ATM: variants seen among roughly 807,000 people sequenced by gnomAD.
ATM encodes the protein ATM serine/threonine kinase, also known as serine-protein kinase ATM.
ATM carries 308 observed loss-of-function variants against 387.0 expected under a neutral mutation model. The observed-to-expected ratio is 0.80, with a 90% CI of 0.73 to 0.87. The LOEUF is 0.87. ATM is among the 40% of genes least tolerant of loss of function. The probability of loss-of-function intolerance (pLI) is 0.00; values close to 1 mark genes in which losing one functional copy is unlikely to be tolerated. For missense variants in ATM, 3,312 were observed against 3,560.9 expected (o/e 0.93, Z 1.78); for synonymous variants, 1,156 against 1,187.3 (o/e 0.97, Z 0.54).
intron 36 of ATM, 117 bp from the exon 37 acceptor site, chr11:108,304,558 A>C (rs2083580695): frequency 8.6e-6 from 9 of 1,051,070 alleles, no homozygotes. Flanking sequence ...ATGGCAGATT[A>C]ATCTATCATC....
chr11:108,317,618 TATATATA>T (rs2084820682), intron 43 of ATM, 97 bp downstream of exon 43: 5 of 26,756 alleles, frequency 1.9e-4, no homozygotes, highest in South Asian at 1.5e-3. Flanking sequence ...AGTTGTTTTA[TATATATA>T]TATATATATA....
In ATM at chr11:108,329,061, A is replaced by G; in HGVS notation, c.7130A>G (p.Asp2377Gly). The G allele has an allele frequency of 6.2e-7, 1 of 1,614,136 alleles. No homozygotes were observed. The highest frequency in any genetic ancestry group is 1.1e-5 in the South Asian group (1 of 91,076). ...VAGNYDGESS[D>G]ELRNGKMKAF... ...GGAAATTATGATGGAGAAAGTAGTG[A>G]TGAGCTAAGAAATGGAAAAATGAAG... Residue 2377 changes from aspartate to glycine, a missense_variant, in exon 49 of 63, where the codon GAT becomes GGT. Coordinates refer to ENST00000675843, the MANE Select transcript of ATM (RefSeq NM_000051.4).
Position 108,250,694 on chromosome 11 carries a change from T to G in ATM, c.1236-7T>G, listed in dbSNP as rs2080086515. 6.2e-7 allele frequency: 1 copy of G among 1,600,516 alleles called. No individual in the cohort carries two copies. On this transcript the variant is annotated splice_region_variant and splice_polypyrimidine_tract_variant and intron_variant, in intron 9 of 62. Coordinates refer to ENST00000675843, the MANE Select transcript of ATM (RefSeq NM_000051.4). ...GTTTTCAAATTATCCTTTTTTTTTT[T>G]TTTTAGGCTACAGATTGCAACCCAA...
Position 108,325,532 on chromosome 11 carries a change from C to T in ATM, c.6795C>T (p.Phe2265=), listed in dbSNP as rs3218699. The T allele has an allele frequency of 5.1e-4, 821 of 1,601,862 alleles. 1 individual carries two copies. The highest frequency in any genetic ancestry group is 6.4e-4 in the Non-Finnish European group (749 of 1,170,890). Residue 2265 remains phenylalanine, a synonymous_variant, in exon 46 of 63, where the codon TTC becomes TTT. Coordinates refer to ENST00000675843, the MANE Select transcript of ATM (RefSeq NM_000051.4). ...LVELSILART[F]KNTQLPERAI... Reference sequence around the variant, plus strand: ...AACTCTCTATACTGGCCAGAACTTTCAAGAACACTCAGGTAAATACAATTT... The same window carrying T: ...AACTCTCTATACTGGCCAGAACTTTTAAGAACACTCAGGTAAATACAATTT...
chr11:108,233,833 C>T (rs751285015), intron 4 of ATM, among the ~76,000 whole-genome samples: 24 of 151,268 alleles, frequency 1.6e-4, no homozygotes, highest in Non-Finnish European at 3.2e-4. Flanking sequence ...GGTGACAGAG[C>T]GAGATATTCT....
rs577380549 is a variant in ATM at position 108,298,247 on chromosome 11, T to C, written c.5005+865T>C. ...TGGTTTTTGTTTCTAATTAGAAAAA[T>C]AGGAATAAGTAGTGTTTCACAGATT... On this transcript the variant is annotated intron_variant, in intron 33 of 62. Transcript: ENST00000675843. 6.6e-5 allele frequency among the ~76,000 whole-genome samples: 10 copies of C among 152,300 alleles called. 1 individual carries two copies. The highest frequency in any genetic ancestry group is 1.7e-4 in the African/African-American group (7 of 41,572).
At chr11:108,255,492 C>T (rs1161345531) in intron 13 of ATM, among the ~76,000 whole-genome samples, 1 of 140,066 alleles carries the variant, frequency 7.1e-6, no homozygotes, top group Non-Finnish European at 1.5e-5. Flanking sequence ...GTGGCCTGAT[C>T]TCGGCTCATT....
rs1405303247 is a variant in ATM at position 108,327,647 on chromosome 11, CA to C, written c.6980del (p.Asn2327IlefsTer4). 1 of 1,613,008 alleles carries C rather than the reference CA, an allele frequency of 6.2e-7. No homozygotes were observed. The highest frequency in any genetic ancestry group is 1.7e-5 in the Admixed American group (1 of 59,978). On this transcript the variant is annotated frameshift_variant, in exon 48 of 63. Coordinates refer to ENST00000675843, the MANE Select transcript of ATM (RefSeq NM_000051.4). LOFTEE classifies it high-confidence loss of function. Reference protein sequence around the residue: ...KKLDASCAANNPSLKLTYTEC... With the variant: ...KKLDASCAANXPSLKLTYTEC... The stretch of plus-strand genomic sequence containing the variant: ...AAGATTTTGCCTTTCTTATACAGAA[CA>C]ATCCCAGCCTAAAACTTACATACAC...
At chr11:108,305,840 G>A (rs1264026040) in intron 37 of ATM, among the ~76,000 whole-genome samples, 1 of 152,012 alleles carries the variant, frequency 6.6e-6, no homozygotes, top group East Asian at 1.9e-4. Context: ...TTTTATAAAA[G>A]GATACAAAAT....
chr11:108,289,631 A>G lies in ATM; in HGVS notation c.4266A>G (p.Ile1422Met), dbSNP rs768794637. 3.1e-6 allele frequency: 5 copies of G among 1,610,176 alleles called. 1 individual carries two copies. The South Asian group carries it at 3.3e-5, about 11-fold the overall frequency. Residue 1422 changes from isoleucine to methionine, a missense_variant, in exon 29 of 63, where the codon ATA (isoleucine) becomes ATG (methionine). Around this residue, in one of 4 missense-constraint regions of ATM, gnomAD observed 1,791 missense variants for 1,804.5 expected, o/e 0.99. Transcript: ENST00000675843. ...CCTATCAGAAAATTCTTCTTGCCAT[A>G]TGTGAGCAAGCAGCTGAAACAAATA... ...PDSYQKILLA[I>M]CEQAAETNNV...
chr11:108,272,715 C>A lies in ATM; in HGVS notation c.3154-7C>A, dbSNP rs756615573. 6.2e-7 allele frequency: 1 copy of A among 1,613,818 alleles called. No homozygotes were observed. ...TTTCATATTTAACCACAGTTCTTTT[C>A]CCGTAGGCTGATCCTTATTCAAAAT... On this transcript the variant is annotated splice_region_variant and splice_polypyrimidine_tract_variant and intron_variant, in intron 21 of 62. Coordinates refer to ENST00000675843, the MANE Select transcript of ATM (RefSeq NM_000051.4).
rs766951228 is a variant in ATM at position 108,229,315 on chromosome 11, C to G, written c.323C>G (p.Ala108Gly). 9 of 1,609,752 alleles carry G rather than the reference C, an allele frequency of 5.6e-6. No homozygotes were observed. The East Asian group carries it at 2.0e-4, about 36-fold the overall frequency. ...TTGGTCAAATACTTCATCAAATGTGCAAACAGAAGTAAGTGATGTTATAAA... is the reference window on the plus strand; with the variant it reads ...TTGGTCAAATACTTCATCAAATGTGGAAACAGAAGTAAGTGATGTTATAAA... ...SSLVKYFIKC[A>G]NRRAPRLKCQ... The change falls in exon 4 of 63, where the codon GCA (alanine) becomes GGA (glycine). Residue 108 changes from alanine (A) to glycine (G), a missense_variant. By Grantham distance (60) the Ala-to-Gly change is moderately conservative. Around this residue, in one of 4 missense-constraint regions of ATM, gnomAD observed 1,791 missense variants for 1,804.5 expected, o/e 0.99. Transcript: ENST00000675843.
intron 16 of ATM, among the ~76,000 whole-genome samples, chr11:108,266,497 AG>A (rs1364623269): frequency 1.2e-5 from 1 of 83,032 alleles, no homozygotes; most frequent in Non-Finnish European, 2.2e-5. Flanking sequence ...GGGTGGGGGG[AG>A]GGGGGAGGGA....
At chr11:108,235,636 TTA>T in intron 4 of ATM, 32 bp from the exon 5 acceptor site, 1 of 1,550,530 alleles carries the variant, frequency 6.4e-7, no homozygotes, top group Non-Finnish European at 8.9e-7. Context: ...TTGTTCAAAT[TTA>T]TGTTTTTCTT....
chr11:108,253,235 T>A (rs2080248952), intron 12 of ATM, among the ~76,000 whole-genome samples: 1 of 152,216 alleles, frequency 6.6e-6, no homozygotes, highest in Admixed American at 6.5e-5. Context: ...TACCCATTTC[T>A]GTACATCAAC....
At position 108,250,767 on chromosome 11, in the gene ATM, A is replaced by G. The variant is rs1555070715; in HGVS notation, c.1302A>G (p.Pro434=). 5 of 1,612,432 alleles carry G rather than the reference A, an allele frequency of 3.1e-6. No individual in the cohort carries two copies. The highest frequency in any genetic ancestry group is 2.7e-5 in the African/African-American group (2 of 74,482). The change falls in exon 10 of 63, where the codon CCA becomes CCG. Residue 434 remains proline, a synonymous_variant. Transcript: ENST00000675843. ...PASLPNCELS[P]LLMILSQLLP... ...GTTTACCTAACTGTGAGCTGTCTCC[A>G]TTACTGATGATACTATCTCAGCTTC...
At chr11:108,359,733 G>A (rs572446312) in intron 61 of ATM, among the ~76,000 whole-genome samples, 54 of 152,162 alleles carry the variant, frequency 3.5e-4, no homozygotes, top group African/African-American at 1.1e-3. Context: ...AAATAAAGAT[G>A]TTCTTTGAAA....
chr11:108,253,540 T>A (rs888877995), intron 12 of ATM, among the ~76,000 whole-genome samples: 1 of 152,122 alleles, frequency 6.6e-6, no homozygotes, highest in African/African-American at 2.4e-5. Context: ...CTGGTGTTTT[T>A]AAAAATACTT....
rs752210429 is a variant in ATM, at chr11:108,308,011, GT to G, written c.5762+30del. The G allele has an allele frequency of 1.1e-5, 17 of 1,570,310 alleles. No individual in the cohort carries two copies. The African/African-American group carries it at 2.0e-4, about 19-fold the overall frequency. ...TAATGTAATGAGTGTTGCTTCTTACGTTTAGGATCTAGAGTGTAACTTGTTA... is the reference window on the plus strand; with the variant it reads ...TAATGTAATGAGTGTTGCTTCTTACGTTAGGATCTAGAGTGTAACTTGTTA... On this transcript the variant is annotated intron_variant, in intron 38 of 62. Transcript: ENST00000675843.
Sources: gnomAD v4.1 joint callset for allele counts (sites outside exome capture counted in the v4.1 genomes callset) on GRCh38, gnomAD v4.1.1 for gene constraint, gnomAD v4.1.1 regional missense constraint, MANE v1.5 for transcripts, NCBI Gene and HGNC (gene_info 2026-07-23, HGNC 2026-07-21) for gene names.